GOLPH3: variants seen among roughly 807,000 people sequenced by gnomAD.
GOLPH3 encodes coat protein GPP34.
Under a neutral mutation model 28.5 loss-of-function variants are expected in GOLPH3, and 14 were observed. That is an observed-to-expected ratio of 0.49 (90% CI 0.32 to 0.77). The LOEUF is 0.77. GOLPH3 is among the 30% of genes least tolerant of loss of function. The probability of loss-of-function intolerance (pLI) is 0.03; values close to 1 mark genes in which losing one functional copy is unlikely to be tolerated. For missense variants in GOLPH3, 350 were observed against 393.7 expected (o/e 0.89, Z 0.94); for synonymous variants, 158 against 159.2 (o/e 0.99, Z 0.06).
At chr5:32,164,899 TC>T (rs1238337293) in intron 1 of GOLPH3, among the ~76,000 whole-genome samples, 1 of 141,004 alleles carries the variant, frequency 7.1e-6, no homozygotes, top group Non-Finnish European at 1.5e-5. Context: ...AATTATGTAT[TC>T]TTTTTTTTTT....
intron 3 of GOLPH3, among the ~76,000 whole-genome samples, chr5:32,127,901 T>C (rs955457117): frequency 1.4e-4 from 21 of 152,082 alleles, no homozygotes; most frequent in Admixed American, 9.8e-4. Context: ...TATGTGAGCC[T>C]GACAACTGCC....
rs904844694 is a variant in GOLPH3 at position 32,174,294 on chromosome 5, A to AGGCGGCGGC, written c.-269_-261dup. On this transcript the variant is annotated 5_prime_UTR_variant, in exon 1 of 4. Transcript: ENST00000265070. ...CGAAACACCCCGAGCTCCAAGGCGG[A>AGGCGGCGGC]GGCGGCGGCGGCGCCTTTCCAATAT... is the stretch of plus-strand genomic sequence containing the variant. The AGGCGGCGGC allele has an allele frequency of 9.0e-6, 3 of 331,910 alleles. No homozygotes were observed. Among genetic ancestry groups the AGGCGGCGGC allele is most frequent in the South Asian group, 3.0e-4 (2 of 6,646 alleles). The allele number at this position is 331,910 out of a possible 1,614,324, so 20.6% of individuals were successfully genotyped here.
chr5:32,158,111 TAAATAAATAAATAAATA>T (rs1746484010), intron 1 of GOLPH3, among the ~76,000 whole-genome samples: 7 of 104,142 alleles, frequency 6.7e-5, no homozygotes, highest in African/African-American at 2.9e-4. Flanking sequence ...AATAAATAAA[TAAATAAATAAATAAATA>T]AAATACACAC....
intron 1 of GOLPH3, among the ~76,000 whole-genome samples, chr5:32,149,900 G>A (rs1370469357): frequency 2.0e-5 from 3 of 152,076 alleles, no homozygotes; most frequent in Admixed American, 2.0e-4. Flanking sequence ...GGGAGGCTGA[G>A]GCAGGAGAAT....
intron 2 of GOLPH3, among the ~76,000 whole-genome samples, chr5:32,138,545 T>G (rs983504703): frequency 1.3e-5 from 2 of 152,144 alleles, no homozygotes; most frequent in African/African-American, 4.8e-5. Flanking sequence ...GCTCTTAAAT[T>G]TTCTAGTAGT....
chr5:32,161,980 TC>T (rs1746592028), intron 1 of GOLPH3, among the ~76,000 whole-genome samples: 1 of 150,420 alleles, frequency 6.6e-6, no homozygotes, highest in African/African-American at 2.5e-5. Context: ...TGAGCCGAGA[TC>T]GCACAACTGC....
chr5:32,128,174 A>G lies in GOLPH3; in HGVS notation c.473-1538T>C, dbSNP rs529653350. On this transcript the variant is annotated intron_variant, in intron 3 of 3. Transcript: ENST00000265070. The stretch of plus-strand genomic sequence containing the variant: ...TGAGAAATTCCACAAAGCTAGGCAA[A>G]GAACACCTACCAGAAAGTGAACAAT... Among the ~76,000 whole-genome samples, 11 of 152,342 alleles carry G rather than the reference A, an allele frequency of 7.2e-5. No homozygotes were observed. The East Asian group carries it at 1.9e-3, about 27-fold the overall frequency.
chr5:32,142,611 C>G (rs535632056), intron 2 of GOLPH3, among the ~76,000 whole-genome samples: 2,404 of 138,378 alleles, frequency 0.017, 49 homozygotes, highest in Middle Eastern at 0.025. Flanking sequence ...GGGGGGTCAG[C>G]CCCCTGCCCG....
chr5:32,166,824 CAGG>C (rs1165659264), intron 1 of GOLPH3, among the ~76,000 whole-genome samples: 4 of 149,160 alleles, frequency 2.7e-5, no homozygotes, highest in Non-Finnish European at 5.9e-5. Flanking sequence ...AAAAAAAAAG[CAGG>C]AGGAGGACAA....
chr5:32,152,994 C>G (rs960669915), intron 1 of GOLPH3, among the ~76,000 whole-genome samples: 1 of 152,102 alleles, frequency 6.6e-6, no homozygotes, highest in Admixed American at 6.6e-5. Context: ...TATGAAGAAA[C>G]AGCCCCATAA....
intron 2 of GOLPH3, among the ~76,000 whole-genome samples, chr5:32,139,207 T>C (rs1277810172): frequency 1.3e-5 from 2 of 152,218 alleles, no homozygotes; most frequent in Non-Finnish European, 2.9e-5. Context: ...GGAAAAATAA[T>C]ACAAATTTTA....
chr5:32,126,785 C>A, intron 3 of GOLPH3, 149 bp from the exon 4 acceptor site: 1 of 654,034 alleles, frequency 1.5e-6, no homozygotes, highest in Non-Finnish European at 2.6e-6. Flanking sequence ...AGACCATGAA[C>A]CCCTTAAGCC....
At chr5:32,141,630 C>G (rs1397663348) in intron 2 of GOLPH3, among the ~76,000 whole-genome samples, 1 of 151,780 alleles carries the variant, frequency 6.6e-6, no homozygotes, top group Non-Finnish European at 1.5e-5. Flanking sequence ...CCTCTCTTTC[C>G]ACGGTCTCCC....
intron 2 of GOLPH3, among the ~76,000 whole-genome samples, chr5:32,137,542 C>A (rs548702197): frequency 6.6e-6 from 1 of 151,988 alleles, no homozygotes; most frequent in East Asian, 2.0e-4. Context: ...GCCTGTAAAC[C>A]CAGCTACTTG....
In GOLPH3 at chr5:32,174,005, G is replaced by C; in HGVS notation, c.30C>G (p.Gly10=). The part of the protein sequence containing the change: MTSLTQRSS[G]LVQRRTEASR... Reference sequence around the variant, plus strand: ...AGGCCTCGGTGCGCCGCTGCACCAGGCCGGAGCTGCGCTGGGTCAGCGAGG... The same window carrying C: ...AGGCCTCGGTGCGCCGCTGCACCAGCCCGGAGCTGCGCTGGGTCAGCGAGG... The change falls in exon 1 of 4, where the codon GGC becomes GGG. Residue 10 remains glycine, a synonymous_variant. Coordinates refer to ENST00000265070, the MANE Select transcript of GOLPH3 (RefSeq NM_022130.4). 7.5e-7 allele frequency: 1 copy of C among 1,327,786 alleles called. No homozygotes were observed. The highest frequency in any genetic ancestry group is 9.5e-7 in the Non-Finnish European group (1 of 1,049,250). The allele number at this position is 1,327,786 out of a possible 1,614,324, so 82.3% of individuals were successfully genotyped here.
intron 2 of GOLPH3, among the ~76,000 whole-genome samples, chr5:32,142,484 C>T (rs1169914215): frequency 1.3e-5 from 2 of 149,640 alleles, no homozygotes; most frequent in East Asian, 4.1e-4. Context: ...GGGGGGTCAG[C>T]CCCCCACCCA....
At chr5:32,127,096 A>AG (rs1745699042) in intron 3 of GOLPH3, among the ~76,000 whole-genome samples, 1 of 152,266 alleles carries the variant, frequency 6.6e-6, no homozygotes, top group Non-Finnish European at 1.5e-5. Flanking sequence ...AAGCCTGTTT[A>AG]GGCCATGCTA....
chr5:32,167,029 G>C (rs1313332608), intron 1 of GOLPH3, among the ~76,000 whole-genome samples: 2 of 152,028 alleles, frequency 1.3e-5, no homozygotes, highest in African/African-American at 4.8e-5. Context: ...TTATGTACCA[G>C]AACAAGCATA....
At chr5:32,143,969 T>A in intron 1 of GOLPH3, 89 bp from the exon 2 acceptor site, 1 of 823,782 alleles carries the variant, frequency 1.2e-6, no homozygotes. Flanking sequence ...GCCAAAGTCA[T>A]ATTTGGTGCC....
Sources: gnomAD v4.1 joint callset for allele counts (sites outside exome capture counted in the v4.1 genomes callset) on GRCh38, gnomAD v4.1.1 for gene constraint, MANE v1.5 for transcripts, NCBI Gene and HGNC (gene_info 2026-07-23, HGNC 2026-07-21) for gene names.